The following NAALADL2 variants were observed in gnomAD, a reference collection of about 807,000 sequenced individuals.
NAALADL2 encodes inactive N-acetylated-alpha-linked acidic dipeptidase-like protein 2.
In NAALADL2, 76 loss-of-function variants were observed where a neutral mutation model predicts 87.2. The observed-to-expected ratio is 0.87, with a 90% confidence interval of 0.72 to 1.05. The LOEUF (loss-of-function observed/expected upper bound fraction) is 1.05. NAALADL2 is among the 50% of genes least tolerant of loss of function. The pLI, the probability that NAALADL2 is intolerant of heterozygous loss-of-function variation, is 0.00. For synonymous variants in NAALADL2, 354 were observed against 331.0 expected (o/e 1.07, Z -0.75); for missense variants, 1,089 against 945.8 (o/e 1.15, Z -1.99).
intron 3 of NAALADL2, among the ~76,000 whole-genome samples, chr3:174,791,847 T>G (rs1455441903): frequency 6.6e-6 from 1 of 152,164 alleles, no homozygotes; most frequent in Non-Finnish European, 1.5e-5. Context: ...TTCTATTCAT[T>G]GAGGTATTTT....
chr3:175,184,681 G>A (rs1006152536), intron 2 of NAALADL2, among the ~76,000 whole-genome samples: 1 of 152,004 alleles, frequency 6.6e-6, no homozygotes, highest in African/African-American at 2.4e-5. Context: ...TTAACCTGCA[G>A]TTTACTGCTA....
In NAALADL2 at chr3:174,471,543, T is replaced by C. The variant is rs1275496146; in HGVS notation, c.-184+30511T>C. Among the ~76,000 whole-genome samples, 4 of 150,618 alleles carry C rather than the reference T, an allele frequency of 2.7e-5. No homozygotes were observed. The East Asian group carries it at 6.1e-4, about 23-fold the overall frequency. On this transcript the variant is annotated intron_variant, in intron 1 of 3. Coordinates refer to the NAALADL2 transcript ENST00000434257. ...GATCCAGCCTATTGTTTTCTATTTTTTTCTACAAAAATTCCATGAGACTAT... is the reference window on the plus strand; with the variant it reads ...GATCCAGCCTATTGTTTTCTATTTTCTTCTACAAAAATTCCATGAGACTAT...
intron 5 of NAALADL2, among the ~76,000 whole-genome samples, chr3:175,423,284 A>C (rs1166701899): frequency 8.1e-6 from 1 of 122,880 alleles, no homozygotes; most frequent in Non-Finnish European, 1.7e-5. Flanking sequence ...TTGTTATTAT[A>C]CTCTAAGTTT....
intron 10 of NAALADL2, among the ~76,000 whole-genome samples, chr3:175,619,145 T>C (rs548628827): frequency 8.6e-5 from 13 of 151,706 alleles, no homozygotes; most frequent in Non-Finnish European, 1.5e-4. Context: ...ATCTCCTCCA[T>C]TGCTTCCCTA....
chr3:175,408,265 G>A lies in NAALADL2; in HGVS notation c.1091-38964G>A, dbSNP rs553048207. ...ATTGTATATTTCAAAATTGATAAAA[G>A]AGTAGATTTTTAATGTTCTCACTGG... is the stretch of plus-strand genomic sequence containing the variant. On this transcript the variant is annotated intron_variant, in intron 5 of 13. Coordinates refer to ENST00000454872, the MANE Select transcript of NAALADL2 (RefSeq NM_207015.3). Among the ~76,000 whole-genome samples, 5 of 152,138 alleles carry A rather than the reference G, an allele frequency of 3.3e-5. No individual in the cohort carries two copies. In the South Asian group the frequency reaches 1.0e-3, roughly 32 times the overall value.
chr3:175,657,321 G>A (rs1159040709), intron 11 of NAALADL2, among the ~76,000 whole-genome samples: 1 of 152,082 alleles, frequency 6.6e-6, no homozygotes, highest in African/African-American at 2.4e-5. Flanking sequence ...TATAATTTGT[G>A]TTCTAAAATC....
At chr3:174,478,690 T>C (rs977425679) in intron 1 of NAALADL2, among the ~76,000 whole-genome samples, 1 of 152,114 alleles carries the variant, frequency 6.6e-6, no homozygotes, top group Non-Finnish European at 1.5e-5. Context: ...CTAGATACCA[T>C]GTTTTTTGTA....
At chr3:174,611,042 A>G (rs971836348) in intron 2 of NAALADL2, among the ~76,000 whole-genome samples, 34 of 152,208 alleles carry the variant, frequency 2.2e-4, no homozygotes, top group African/African-American at 8.2e-4. Flanking sequence ...GGAAATCATC[A>G]TTCTCAGTAA....
intron 2 of NAALADL2, among the ~76,000 whole-genome samples, chr3:175,152,846 G>A (rs1024480115): frequency 3.3e-5 from 5 of 152,024 alleles, no homozygotes; most frequent in African/African-American, 4.8e-5. Flanking sequence ...GGCAGAGGAT[G>A]CAGTGAGCTG....
intron 2 of NAALADL2, among the ~76,000 whole-genome samples, chr3:175,216,832 C>A (rs1308655443): frequency 2.0e-5 from 3 of 151,934 alleles, no homozygotes; most frequent in Non-Finnish European, 4.4e-5. Context: ...CAATGCCCAG[C>A]TAATTTTTGT....
Position 174,625,060 on chromosome 3 carries a change from T to C in NAALADL2, c.-115+74423T>C, listed in dbSNP as rs111886380. 8.6e-3 allele frequency among the ~76,000 whole-genome samples: 1,160 copies of C among 135,260 alleles called. 21 individuals are homozygous for C. The highest frequency in any genetic ancestry group is 0.033 in the African/African-American group (1,039 of 31,868). The allele number at this position is 135,260 out of a possible 152,430, so 88.7% of individuals were successfully genotyped here. A position where few individuals can be genotyped will look rare whatever the true frequency, so the allele number is the denominator to read the frequency against. The stretch of plus-strand genomic sequence containing the variant: ...TTATTGCTATCTCTCTCTCTCTCTT[T>C]TTTTTTTTTTTTTTTTGAGACAGGG... On this transcript the variant is annotated intron_variant, in intron 2 of 3. Coordinates refer to the NAALADL2 transcript ENST00000434257.
chr3:174,702,369 G>A lies in NAALADL2; in HGVS notation c.-114-35272G>A, dbSNP rs181187167. Among the ~76,000 whole-genome samples, 94 of 151,734 alleles carry A rather than the reference G, an allele frequency of 6.2e-4. No individual in the cohort carries two copies. In the Middle Eastern group the frequency reaches 0.01, roughly 16 times the overall value. On this transcript the variant is annotated intron_variant, in intron 2 of 3. Coordinates refer to the NAALADL2 transcript ENST00000434257. Reference sequence around the variant, plus strand: ...GCATCATTTATTTATTAATCTATCTGTCAATTAACATGACATAAATGGGCA... The same window carrying A: ...GCATCATTTATTTATTAATCTATCTATCAATTAACATGACATAAATGGGCA...
rs1432870631 is a variant in NAALADL2, at chr3:175,011,419, A to C, written c.44-85371A>C. On this transcript the variant is annotated intron_variant, in intron 1 of 13. Transcript: ENST00000454872. Reference sequence around the variant, plus strand: ...GTCACTGGACCACTTTCCATGTAAAAATTCAGAGTCTCAGCAACTTTCTTT... The same window carrying C: ...GTCACTGGACCACTTTCCATGTAAACATTCAGAGTCTCAGCAACTTTCTTT... 2.0e-5 allele frequency among the ~76,000 whole-genome samples: 3 copies of C among 152,158 alleles called. No individual in the cohort carries two copies. The South Asian group carries it at 6.2e-4, about 31-fold the overall frequency.
At chr3:174,847,999 TTCTC>T (rs201884657) in intron 3 of NAALADL2, among the ~76,000 whole-genome samples, 1 of 147,490 alleles carries the variant, frequency 6.8e-6, no homozygotes, top group Admixed American at 6.8e-5. Context: ...TCTAACTCTT[TTCTC>T]TCTCTTTTTT....
At chr3:174,690,577 GA>G (rs940113432) in intron 2 of NAALADL2, among the ~76,000 whole-genome samples, 6 of 152,108 alleles carry the variant, frequency 3.9e-5, no homozygotes, top group African/African-American at 1.4e-4. Context: ...CTAATCTGCT[GA>G]AAAATACCCC....
At chr3:174,885,884 T>TG (rs1560324315) in intron 1 of NAALADL2, among the ~76,000 whole-genome samples, 1 of 9,744 alleles carries the variant, frequency 1.0e-4, no homozygotes. Context: ...TTGTTTTTTT[T>TG]TTTTTTTTTT....
rs142708885 is a variant in NAALADL2 at position 174,925,867 on chromosome 3, G to C, written c.43+66417G>C. On this transcript the variant is annotated intron_variant, in intron 1 of 13. Coordinates refer to ENST00000454872, the MANE Select transcript of NAALADL2 (RefSeq NM_207015.3). ...ACAAAGCTGGATGGAGAATGACTTTGACGAGTTGAGAGAAGAAGTCTTCAG... is the reference window on the plus strand; with the variant it reads ...ACAAAGCTGGATGGAGAATGACTTTCACGAGTTGAGAGAAGAAGTCTTCAG... Among the ~76,000 whole-genome samples, 799 of 152,202 alleles carry C rather than the reference G, an allele frequency of 5.2e-3. 9 individuals are homozygous for C. The highest frequency in any genetic ancestry group is 0.018 in the African/African-American group (743 of 41,550).
chr3:174,847,273 A>G (rs1724729679), intron 3 of NAALADL2, among the ~76,000 whole-genome samples: 1 of 152,158 alleles, frequency 6.6e-6, no homozygotes, highest in Non-Finnish European at 1.5e-5. Context: ...TTAAGCATGC[A>G]TGATCAAAAA....
At chr3:174,568,431 TC>T (rs1560061581) in intron 2 of NAALADL2, among the ~76,000 whole-genome samples, 6 of 151,790 alleles carry the variant, frequency 4.0e-5, no homozygotes, top group African/African-American at 1.4e-4. Flanking sequence ...GAAATATGGT[TC>T]CTGTCCTGAA....
Sources: allele counts gnomAD v4.1 joint callset (sites outside exome capture counted in the v4.1 genomes callset), GRCh38; gene constraint gnomAD v4.1.1; transcripts MANE v1.5; gene names NCBI Gene and HGNC (gene_info 2026-07-23, HGNC 2026-07-21).